FRMD5: variants seen among roughly 807,000 people sequenced by gnomAD.
The protein encoded by FRMD5 is FERM domain-containing protein 5.
FRMD5 carries 20 observed loss-of-function variants against 69.0 expected under a neutral mutation model. The observed-to-expected ratio is 0.29, with a 90% CI of 0.20 to 0.42. The LOEUF (loss-of-function observed/expected upper bound fraction) is 0.42, where lower values mean the gene tolerates loss of function less well. Among genes scored for constraint, FRMD5 ranks in the 10% least tolerant of loss-of-function variants. FRMD5 has a pLI of 1.00. For synonymous variants in FRMD5, 271 were observed against 260.1 expected, an observed-to-expected ratio of 1.04 and a Z score of -0.40; for missense variants, 595 against 708.6, an observed-to-expected ratio of 0.84 and a Z score of 1.82.
rs116152821 is a variant in FRMD5, at chr15:44,168,745, C to A, written c.102+26208G>T. 2.0e-3 allele frequency among the ~76,000 whole-genome samples: 311 copies of A among 152,308 alleles called. 3 individuals are homozygous for A. The highest frequency in any genetic ancestry group is 7.3e-3 in the African/African-American group (303 of 41,564). On this transcript the variant is annotated intron_variant, in intron 1 of 13. Coordinates refer to ENST00000417257, the MANE Select transcript of FRMD5 (RefSeq NM_032892.5). ...ATAATTTGCCAATATCCCCAACGTA[C>A]TTCATTTTTGATTGTCCAGATTTTG...
chr15:43,951,141 C>T (rs904211273), intron 1 of FRMD5, among the ~76,000 whole-genome samples: 2 of 152,166 alleles, frequency 1.3e-5, no homozygotes, highest in East Asian at 1.9e-4. Flanking sequence ...ATAAATAGTG[C>T]CAGGCGTGGT....
At chr15:43,915,069 G>C (rs2089361427) in intron 4 of FRMD5, among the ~76,000 whole-genome samples, 1 of 152,176 alleles carries the variant, frequency 6.6e-6, no homozygotes, top group South Asian at 2.1e-4. Flanking sequence ...TGAAGAGACT[G>C]AGTGCTTAGA....
intron 1 of FRMD5, among the ~76,000 whole-genome samples, chr15:43,990,646 T>TC (rs1352413336): frequency 6.6e-6 from 1 of 152,224 alleles, no homozygotes; most frequent in Non-Finnish European, 1.5e-5. Context: ...GGTGAGTTTT[T>TC]CACTGTACTA....
chr15:44,171,343 C>T (rs2077799874), intron 1 of FRMD5, among the ~76,000 whole-genome samples: 1 of 152,192 alleles, frequency 6.6e-6, no homozygotes, highest in African/African-American at 2.4e-5. Flanking sequence ...CCAGCCAGTT[C>T]ATTGATCAAC....
chr15:44,001,531 T>C (rs1217389670), intron 1 of FRMD5, among the ~76,000 whole-genome samples: 1 of 152,076 alleles, frequency 6.6e-6, no homozygotes, highest in Non-Finnish European at 1.5e-5. Flanking sequence ...ATTTTTATGG[T>C]TTCAGGTCTT....
intron 1 of FRMD5, among the ~76,000 whole-genome samples, chr15:44,157,276 A>C (rs1319027767): frequency 6.6e-6 from 1 of 152,218 alleles, no homozygotes; most frequent in Non-Finnish European, 1.5e-5. Flanking sequence ...CAAAAATTTT[A>C]TCCAATGTCC....
chr15:44,001,713 C>T (rs535638283), intron 1 of FRMD5, among the ~76,000 whole-genome samples: 20 of 151,984 alleles, frequency 1.3e-4, no homozygotes, highest in Middle Eastern at 3.4e-3. Context: ...CTCAAGTGAT[C>T]CTCCTGCCGC....
At chr15:44,041,781 G>C (rs1300428228) in intron 1 of FRMD5, among the ~76,000 whole-genome samples, 1 of 152,168 alleles carries the variant, frequency 6.6e-6, no homozygotes, top group Admixed American at 6.5e-5. Context: ...ATTTAAAGCA[G>C]GGTGTAGAGG....
chr15:44,175,192 T>C (rs548370762), intron 1 of FRMD5, among the ~76,000 whole-genome samples: 103 of 152,240 alleles, frequency 6.8e-4, no homozygotes, highest in African/African-American at 2.0e-3. Context: ...GTAGAGCCCT[T>C]CTAGGCAGGT....
At chr15:44,034,583 GTTAATGGGGT>G (rs1891826556) in intron 1 of FRMD5, among the ~76,000 whole-genome samples, 3 of 152,234 alleles carry the variant, frequency 2.0e-5, no homozygotes, top group African/African-American at 7.2e-5. Flanking sequence ...TCCTTTGGGA[GTTAATGGGGT>G]TATGTGCCCA....
intron 1 of FRMD5, among the ~76,000 whole-genome samples, chr15:44,129,293 A>G (rs771872447): frequency 6.6e-6 from 1 of 152,212 alleles, no homozygotes; most frequent in Non-Finnish European, 1.5e-5. Context: ...ACTTTTGTAT[A>G]CTTAGTAAAC....
chr15:44,019,398 A>G (rs1891108202), intron 1 of FRMD5, among the ~76,000 whole-genome samples: 1 of 151,974 alleles, frequency 6.6e-6, no homozygotes, highest in African/African-American at 2.4e-5. Context: ...GTTTTTAATA[A>G]TCAGAAAGGC....
chr15:44,191,442 C>T (rs1394052035), intron 1 of FRMD5, among the ~76,000 whole-genome samples: 1 of 151,880 alleles, frequency 6.6e-6, no homozygotes, highest in African/African-American at 2.4e-5. Context: ...AAAAATTGGC[C>T]AGGCATGGTG....
intron 1 of FRMD5, among the ~76,000 whole-genome samples, chr15:44,099,608 T>C (rs1490259558): frequency 6.6e-6 from 1 of 152,212 alleles, no homozygotes; most frequent in Non-Finnish European, 1.5e-5. Context: ...TATTCTATTA[T>C]CTGTTCCTCA....
chr15:43,937,750 T>A (rs2089786651), intron 1 of FRMD5, among the ~76,000 whole-genome samples: 1 of 151,312 alleles, frequency 6.6e-6, no homozygotes, highest in Admixed American at 6.6e-5. Flanking sequence ...GTGGGCCTAG[T>A]GTTGACTTGG....
At chr15:43,984,206 C>A (rs899737556) in intron 1 of FRMD5, among the ~76,000 whole-genome samples, 3 of 152,224 alleles carry the variant, frequency 2.0e-5, no homozygotes, top group African/African-American at 7.2e-5. Context: ...CAGGCAGACT[C>A]ATTTCACTCT....
chr15:43,928,387 T>C (rs375150232), intron 1 of FRMD5, among the ~76,000 whole-genome samples: 5 of 152,148 alleles, frequency 3.3e-5, no homozygotes, highest in African/African-American at 9.7e-5. Flanking sequence ...AGAATCAACT[T>C]AGAGCTCTGC....
intron 1 of FRMD5, among the ~76,000 whole-genome samples, chr15:44,106,873 A>G (rs1000719555): frequency 1.3e-5 from 2 of 152,132 alleles, no homozygotes; most frequent in African/African-American, 4.8e-5. Flanking sequence ...TGGTCTCAGG[A>G]CCCCTTTACA....
chr15:44,172,874 A>G (rs1266544395), intron 1 of FRMD5, among the ~76,000 whole-genome samples: 1 of 152,216 alleles, frequency 6.6e-6, no homozygotes, highest in African/African-American at 2.4e-5. Flanking sequence ...CAACCTTACC[A>G]GCTTCAGCTA....
Sources: allele counts gnomAD v4.1 joint callset (sites outside exome capture counted in the v4.1 genomes callset), GRCh38; gene constraint gnomAD v4.1.1; transcripts MANE v1.5; gene names NCBI Gene and HGNC (gene_info 2026-07-23, HGNC 2026-07-21).